RACGAP1: variants seen among roughly 807,000 people sequenced by gnomAD.
The protein encoded by RACGAP1 is rac GTPase-activating protein 1.
A neutral mutation model predicts 78.1 loss-of-function variants in RACGAP1; 30 were observed. The ratio of observed to expected loss-of-function variants is 0.38; its 90% confidence interval spans 0.29 to 0.52. The LOEUF is 0.52. RACGAP1 is among the 20% of genes least tolerant of loss of function. The probability of loss-of-function intolerance (pLI) is 0.82; values close to 1 mark genes in which losing one functional copy is unlikely to be tolerated. For missense variants in RACGAP1, 587 were observed against 777.1 expected (o/e 0.76, Z 2.91); for synonymous variants, 231 against 264.8 (o/e 0.87, Z 1.24).
At chr12:50,010,157 T>A (rs1018833321) in intron 2 of RACGAP1, among the ~76,000 whole-genome samples, 4 of 152,232 alleles carry the variant, frequency 2.6e-5, no homozygotes, top group East Asian at 3.9e-4. Context: ...TGATTTTTTT[T>A]AAAAAGCTCA....
At chr12:50,016,349 T>G (rs1949679384) in intron 2 of RACGAP1, among the ~76,000 whole-genome samples, 1 of 151,830 alleles carries the variant, frequency 6.6e-6, no homozygotes, top group African/African-American at 2.4e-5. Flanking sequence ...GCCACTGCAC[T>G]CCAGCCTGGG....
intron 9 of RACGAP1, among the ~76,000 whole-genome samples, chr12:49,998,917 AC>A (rs1186292642): frequency 1.3e-5 from 2 of 151,962 alleles, no homozygotes; most frequent in Non-Finnish European, 2.9e-5. Context: ...AAAAAAAAGT[AC>A]TAACAATTGC....
rs928403707 is a variant in RACGAP1 at position 49,996,954 on chromosome 12, A to T, written c.1044+86T>A. The T allele has an allele frequency of 4.3e-6, 6 of 1,382,128 alleles. No homozygotes were observed. The African/African-American group carries it at 5.9e-5, about 14-fold the overall frequency. The allele number at this position is 1,382,128 out of a possible 1,614,324, so 85.6% of individuals were successfully genotyped here. A position where few individuals can be genotyped will look rare whatever the true frequency, so the allele number is the denominator to read the frequency against. On this transcript the variant is annotated intron_variant, in intron 10 of 16. Coordinates refer to ENST00000312377, the MANE Select transcript of RACGAP1 (RefSeq NM_001319999.2). ...TGTGGAAAGAAATATATTTGAGATG[A>T]TTAATTTTAGAACAAAAACTGACAC...
At chr12:50,000,727 T>C (rs11832146) in intron 7 of RACGAP1, among the ~76,000 whole-genome samples, 9 of 152,120 alleles carry the variant, frequency 5.9e-5, no homozygotes, top group African/African-American at 1.9e-4. Flanking sequence ...ATTCCATTCA[T>C]AGGGATAAGG....
At chr12:50,017,497 T>C (rs1451340180) in intron 1 of RACGAP1, among the ~76,000 whole-genome samples, 3 of 152,136 alleles carry the variant, frequency 2.0e-5, no homozygotes, top group African/African-American at 4.8e-5. Flanking sequence ...GCTGATACTA[T>C]AGAAAAAACA....
At chr12:50,030,695 A>T (rs372139134) in intron 2 of RACGAP1, among the ~76,000 whole-genome samples, 99 of 152,268 alleles carry the variant, frequency 6.5e-4, no homozygotes, top group South Asian at 2.3e-3. Flanking sequence ...TCTCAGAAAC[A>T]AAACAAAACA....
In RACGAP1 at chr12:49,992,383, CAA is replaced by C; in HGVS notation, c.1446-8_1446-7del. The C allele has an allele frequency of 6.2e-7, 1 of 1,612,820 alleles. No homozygotes were observed. Among genetic ancestry groups the C allele is most frequent in the Non-Finnish European group, 8.5e-7 (1 of 1,178,988 alleles). On this transcript the variant is annotated splice_polypyrimidine_tract_variant and splice_region_variant and intron_variant, in intron 13 of 16. Transcript: ENST00000312377. ...TATGTGGACTCTGAGCCACTCTAAG[CAA>C]AAGAATATTAAATTAGAAGTCTTGC...
chr12:50,019,446 A>C (rs1949872828), intron 1 of RACGAP1, among the ~76,000 whole-genome samples: 1 of 152,228 alleles, frequency 6.6e-6, no homozygotes, highest in South Asian at 2.1e-4. Flanking sequence ...GTGTTAATTC[A>C]GAGAACAAAC....
intron 5 of RACGAP1, 135 bp downstream of exon 5, chr12:50,004,100 G>T: frequency 7.6e-7 from 1 of 1,310,464 alleles, no homozygotes. Flanking sequence ...ATTTTAAATT[G>T]CTAGCTCAGA....
chr12:49,992,694 T>C, intron 12 of RACGAP1, 39 bp from the exon 13 acceptor site: 1 of 1,540,316 alleles, frequency 6.5e-7, no homozygotes, highest in African/African-American at 1.4e-5. Flanking sequence ...CCTAGACTTC[T>C]TTCCCTTGAC....
In RACGAP1 at chr12:49,994,497, C is replaced by A; in HGVS notation, c.1057G>T (p.Asp353Tyr). 6.2e-7 allele frequency: 1 copy of A among 1,612,820 alleles called. No individual in the cohort carries two copies. Among genetic ancestry groups the A allele is most frequent in the South Asian group, 1.1e-5 (1 of 90,588 alleles). ...PVKIGEGMLA[D>Y]FVSQTSPMIP... ...ATTGGAGAAGTCTGGGACACAAAGT[C>A]TGCCAGCATTCCCTGGAAAAAAAAA... The change falls in exon 11 of 17, where the codon GAC becomes TAC. Residue 353 changes from aspartate to tyrosine, a missense_variant. Physicochemically the swap from Asp to Tyr is radical, Grantham distance 160 (BLOSUM62 -3). Transcript: ENST00000312377.
intron 1 of RACGAP1, among the ~76,000 whole-genome samples, chr12:50,021,869 T>C (rs928656914): frequency 6.6e-6 from 1 of 152,200 alleles, no homozygotes; most frequent in Non-Finnish European, 1.5e-5. Context: ...TTGAGGACAA[T>C]GTGAGGACAA....
Position 49,990,251 on chromosome 12 carries a change from A to G in RACGAP1, c.*17T>C. The G allele has an allele frequency of 6.2e-7, 1 of 1,601,380 alleles. No homozygotes were observed. Among genetic ancestry groups the G allele is most frequent in the South Asian group, 1.1e-5 (1 of 90,814 alleles). ...TTATAGTCAGTCAATGCTGGGAAGT[A>G]ACAGGCAGATGTGACTTCACTTGAG... On this transcript the variant is annotated 3_prime_UTR_variant, in exon 17 of 17. Coordinates refer to ENST00000312377, the MANE Select transcript of RACGAP1 (RefSeq NM_001319999.2).
chr12:50,011,499 G>T (rs1044902824), intron 2 of RACGAP1, among the ~76,000 whole-genome samples: 1 of 152,066 alleles, frequency 6.6e-6, no homozygotes, highest in Non-Finnish European at 1.5e-5. Flanking sequence ...GGCCGAGGTG[G>T]GAGGACCGCT....
At chr12:50,027,686 C>T (rs1006224790), upstream of RACGAP1, among the ~76,000 whole-genome samples, 9 of 152,044 alleles carry the variant, frequency 5.9e-5, no homozygotes, top group African/African-American at 1.9e-4. Context: ...ATTAGCCAGG[C>T]GTGGTGGCAG....
At chr12:50,023,779 T>C (rs1950131268) in intron 1 of RACGAP1, among the ~76,000 whole-genome samples, 1 of 151,978 alleles carries the variant, frequency 6.6e-6, no homozygotes, top group Admixed American at 6.6e-5. Flanking sequence ...GTACAACCTT[T>C]ATGGAAAACA....
intron 2 of RACGAP1, among the ~76,000 whole-genome samples, chr12:50,013,357 G>T (rs1158998272): frequency 1.3e-5 from 2 of 152,142 alleles, no homozygotes; most frequent in East Asian, 1.9e-4. Context: ...AACAGACACA[G>T]AAATAACAGG....
intron 1 of RACGAP1, among the ~76,000 whole-genome samples, chr12:50,017,555 CT>C (rs1949749087): frequency 1.3e-5 from 2 of 152,140 alleles, no homozygotes; most frequent in Non-Finnish European, 2.9e-5. Flanking sequence ...ACTGGGAACA[CT>C]TTGAGGAAAT....
chr12:50,023,724 C>T (rs1183587836), intron 1 of RACGAP1, among the ~76,000 whole-genome samples: 3 of 151,732 alleles, frequency 2.0e-5, no homozygotes, highest in African/African-American at 7.3e-5. Context: ...CAGAGCAAGA[C>T]TCCTTCTCAA....
Sources: gnomAD v4.1 joint callset for allele counts (sites outside exome capture counted in the v4.1 genomes callset) on GRCh38, gnomAD v4.1.1 for gene constraint, MANE v1.5 for transcripts, NCBI Gene and HGNC (gene_info 2026-07-23, HGNC 2026-07-21) for gene names.